EPHA3: variants seen among roughly 807,000 people sequenced by gnomAD.
EPHA3 encodes EPH receptor A3.
Under a neutral mutation model 107.1 loss-of-function variants are expected in EPHA3, and 42 were observed. That is an observed-to-expected ratio of 0.39 (90% CI 0.31 to 0.51). EPHA3 has a LOEUF of 0.51. Among genes scored for constraint, EPHA3 ranks in the 20% least tolerant of loss-of-function variants. The pLI is 0.78. For synonymous variants in EPHA3, 461 were observed against 424.8 expected (o/e 1.09, Z -1.05); for missense variants, 1,183 against 1,211.2 (o/e 0.98, Z 0.35).
intron 3 of EPHA3, among the ~76,000 whole-genome samples, chr3:89,296,468 C>CTTCTCAT (rs1185060383): frequency 6.6e-6 from 1 of 152,146 alleles, no homozygotes; most frequent in Admixed American, 6.5e-5. Context: ...AAGTAATATT[C>CTTCTCAT]TGAAAGAAAT....
At chr3:89,216,182 C>A (rs984184677) in intron 3 of EPHA3, among the ~76,000 whole-genome samples, 2 of 151,854 alleles carry the variant, frequency 1.3e-5, no homozygotes, top group Admixed American at 1.3e-4. Context: ...ATGGGTTAAT[C>A]TTCCCAGGAC....
rs1267843219 is a variant in EPHA3, at chr3:89,210,352, G to A, written c.646G>A (p.Val216Ile). The stretch of plus-strand genomic sequence containing the variant: ...GAATCTGGCTATGTTTCCAGACACG[G>A]TACCCATGGACTCCCAGTCCCTGGT... ...VKNLAMFPDT[V>I]PMDSQSLVEV... is the part of the protein sequence containing the mutation. Residue 216 changes from valine (V) to isoleucine (I), a missense_variant, in exon 3 of 17, where the codon GTA (valine) becomes ATA (isoleucine). By Grantham distance (29) the Val-to-Ile change is conservative. Coordinates refer to ENST00000336596, the MANE Select transcript of EPHA3 (RefSeq NM_005233.6). 5 of 1,613,640 alleles carry A rather than the reference G, an allele frequency of 3.1e-6. No homozygotes were observed. The highest frequency in any genetic ancestry group is 1.7e-5 in the Admixed American group (1 of 59,952).
chr3:89,426,303 G>A (rs780937405), intron 11 of EPHA3, among the ~76,000 whole-genome samples: 4 of 151,816 alleles, frequency 2.6e-5, no homozygotes, highest in Middle Eastern at 3.4e-3. Flanking sequence ...ACTAGTTCTC[G>A]CCACTACAGA....
At chr3:89,306,492 T>A (rs1032890635) in intron 3 of EPHA3, among the ~76,000 whole-genome samples, 5 of 152,182 alleles carry the variant, frequency 3.3e-5, no homozygotes, top group African/African-American at 1.2e-4. Context: ...AATTTTCTAT[T>A]TTAACCATCT....
chr3:89,198,056 C>G (rs1433320036), intron 2 of EPHA3, among the ~76,000 whole-genome samples: 1 of 152,100 alleles, frequency 6.6e-6, no homozygotes, highest in African/African-American at 2.4e-5. Flanking sequence ...TAGTGAATTT[C>G]AAAAGAGTAA....
At chr3:89,311,259 G>A (rs531483207) in intron 3 of EPHA3, among the ~76,000 whole-genome samples, 16 of 151,928 alleles carry the variant, frequency 1.1e-4, no homozygotes, top group East Asian at 1.9e-4. Context: ...AGCATTTAAC[G>A]TCAACACATT....
intron 2 of EPHA3, among the ~76,000 whole-genome samples, chr3:89,162,516 T>C (rs1704973825): frequency 6.6e-6 from 1 of 152,182 alleles, no homozygotes; most frequent in African/African-American, 2.4e-5. Context: ...TGCCCAGAAA[T>C]CACTTGTCCA....
At chr3:89,303,309 T>C (rs1275538853) in intron 3 of EPHA3, among the ~76,000 whole-genome samples, 7 of 151,974 alleles carry the variant, frequency 4.6e-5, no homozygotes, top group African/African-American at 1.4e-4. Context: ...TAATTATTAT[T>C]TTCTGTCTAT....
intron 3 of EPHA3, among the ~76,000 whole-genome samples, chr3:89,215,544 C>T (rs1024805956): frequency 6.6e-6 from 1 of 151,788 alleles, no homozygotes; most frequent in Non-Finnish European, 1.5e-5. Context: ...TAATTGCAAA[C>T]ATGTTTAGGA....
At chr3:89,189,236 A>G (rs185998324) in intron 2 of EPHA3, among the ~76,000 whole-genome samples, 311 of 152,290 alleles carry the variant, frequency 2.0e-3, no homozygotes, top group Non-Finnish European at 2.5e-3. Context: ...TTCTAGTATT[A>G]AAGTCCAAAC....
chr3:89,210,014 T>G lies in EPHA3; in HGVS notation c.308T>G (p.Leu103Arg). 6.2e-7 allele frequency: 1 copy of G among 1,614,020 alleles called. No individual in the cohort carries two copies. The highest frequency in any genetic ancestry group is 8.5e-7 in the Non-Finnish European group (1 of 1,179,944). ...QKIYVELKFT[L>R]RDCNSIPLVL... is the part of the protein sequence containing the mutation. ...ATTTATGTGGAGCTCAAGTTCACTC[T>G]ACGAGACTGCAATAGCATTCCATTG... The change falls in exon 3 of 17, where the codon CTA becomes CGA. Residue 103 changes from leucine to arginine, a missense_variant. By Grantham distance (102) the Leu-to-Arg change is moderately radical. Transcript: ENST00000336596.
intron 3 of EPHA3, among the ~76,000 whole-genome samples, chr3:89,238,218 G>A (rs555886932): frequency 6.6e-6 from 1 of 152,206 alleles, no homozygotes; most frequent in Non-Finnish European, 1.5e-5. Context: ...TTAAGGGGAG[G>A]TAATTACGCA....
intron 2 of EPHA3, among the ~76,000 whole-genome samples, chr3:89,208,668 A>C (rs551526382): frequency 6.6e-6 from 1 of 152,196 alleles, no homozygotes; most frequent in East Asian, 1.9e-4. Flanking sequence ...AAAGGACAGA[A>C]TATCCACCAC....
rs1455533737 is a variant in EPHA3 at position 89,479,876 on chromosome 3, G to T, written c.*374G>T. On this transcript the variant is annotated 3_prime_UTR_variant, in exon 17 of 17. Coordinates refer to ENST00000336596, the MANE Select transcript of EPHA3 (RefSeq NM_005233.6). Reference sequence around the variant, plus strand: ...GCTTTGTTTAGGTAGAGCCACAAAAGAAAAGACTTGTAATATTTTTATATA... The same window carrying T: ...GCTTTGTTTAGGTAGAGCCACAAAATAAAAGACTTGTAATATTTTTATATA... The T allele has an allele frequency of 4.1e-6, 1 of 244,446 alleles. No individual in the cohort carries two copies. Among genetic ancestry groups the T allele is most frequent in the African/African-American group, 2.2e-5 (1 of 45,506 alleles). The allele number at this position is 244,446 out of a possible 1,614,324, so 15.1% of individuals were successfully genotyped here. A position where few individuals can be genotyped will look rare whatever the true frequency, so the allele number is the denominator to read the frequency against.
intron 3 of EPHA3, among the ~76,000 whole-genome samples, chr3:89,223,763 C>A (rs1704437973): frequency 6.6e-6 from 1 of 151,932 alleles, no homozygotes; most frequent in African/African-American, 2.4e-5. Flanking sequence ...AATTTAGCTT[C>A]CTCATATGTA....
intron 3 of EPHA3, among the ~76,000 whole-genome samples, chr3:89,286,036 G>T (rs563656528): frequency 6.6e-6 from 1 of 151,934 alleles, no homozygotes; most frequent in African/African-American, 2.4e-5. Flanking sequence ...TGTCTGGGAG[G>T]CCTGAGAGTC....
In EPHA3 at chr3:89,480,518, G is replaced by A. The variant is rs576754083; in HGVS notation, c.*1016G>A. ...ATCAACTCCCTCCTTTAGTGAAGGA[G>A]CCGTGTTAGAGCTTCCGAGAATAGC... On this transcript the variant is annotated 3_prime_UTR_variant, in exon 17 of 17. Transcript: ENST00000336596. The A allele has an allele frequency of 3.0e-5, 7 of 233,236 alleles. No individual in the cohort carries two copies. The highest frequency in any genetic ancestry group is 6.6e-5 in the African/African-American group (3 of 45,392). The allele number at this position is 233,236 out of a possible 1,614,324, so 14.4% of individuals were successfully genotyped here. A position where few individuals can be genotyped will look rare whatever the true frequency, so the allele number is the denominator to read the frequency against.
At chr3:89,323,999 C>T (rs1707102348) in intron 3 of EPHA3, among the ~76,000 whole-genome samples, 1 of 152,026 alleles carries the variant, frequency 6.6e-6, no homozygotes, top group East Asian at 1.9e-4. Context: ...ACACGATTTA[C>T]TACAGCAAAT....
chr3:89,374,685 TC>T (rs1708368858), intron 5 of EPHA3, among the ~76,000 whole-genome samples: 1 of 151,710 alleles, frequency 6.6e-6, no homozygotes, highest in Non-Finnish European at 1.5e-5. Context: ...CATTAGGATG[TC>T]TGCTGCTTGT....
Sources: allele counts gnomAD v4.1 joint callset (sites outside exome capture counted in the v4.1 genomes callset), GRCh38; gene constraint gnomAD v4.1.1; transcripts MANE v1.5; gene names NCBI Gene and HGNC (gene_info 2026-07-23, HGNC 2026-07-21).